Variants in HSF5 observed in about 807,000 individuals in gnomAD.
HSF5 encodes the protein heat shock factor protein 5.
Under a neutral mutation model 50.8 loss-of-function variants are expected in HSF5, and 5 were observed. The observed-to-expected ratio is 0.10, with a 90% confidence interval of 0.05 to 0.21. The LOEUF (loss-of-function observed/expected upper bound fraction) is 0.21, where lower values mean the gene tolerates loss of function less well. HSF5 is among the 10% of genes least tolerant of loss of function. The probability of loss-of-function intolerance (pLI) is 1.00; values close to 1 mark genes in which losing one functional copy is unlikely to be tolerated. For synonymous variants in HSF5, 307 were observed against 307.4 expected (o/e 1.00, Z 0.02); for missense variants, 564 against 762.6 (o/e 0.74, Z 3.07).
Position 58,463,015 on chromosome 17 carries a change from A to G in HSF5, c.1309T>C (p.Ser437Pro), listed in dbSNP as rs1443337441. The G allele has an allele frequency of 8.1e-6, 13 of 1,614,236 alleles. No individual in the cohort carries two copies. Among genetic ancestry groups the G allele is most frequent in the African/African-American group, 1.3e-5 (1 of 75,058 alleles). ...CCAACCACAAAAGACATAATATCTG[A>G]GCCTACAGGAGTAAGTGGCTCCAGC... ...SQLEPLTPVGSDIMSFVVGTE... is the reference protein window; with the variant it reads ...SQLEPLTPVGPDIMSFVVGTE... Residue 437 changes from serine (S) to proline (P), a missense_variant, in exon 4 of 6, where the codon TCA (serine) becomes CCA (proline). Transcript: ENST00000323777.
chr17:58,487,760 G>GGCT lies in HSF5; in HGVS notation c.512_514dup (p.Gln171dup), dbSNP rs1400532940. 7.2e-6 allele frequency: 10 copies of GGCT among 1,393,790 alleles called. No individual in the cohort carries two copies. Among genetic ancestry groups the GGCT allele is most frequent in the Admixed American group, 3.8e-5 (1 of 26,048 alleles). 86.3% of individuals were successfully genotyped at this position (1,393,790 alleles called of 1,614,324 possible). ...GGGCCGGGGCCCCGCGGGCGGCGGC[G>GGCT]GCTGCTGGTGCTGCAGTGGCGCGGT... is the stretch of plus-strand genomic sequence containing the variant. On this transcript the variant is annotated inframe_insertion, in exon 1 of 6. Coordinates refer to ENST00000323777, the MANE Select transcript of HSF5 (RefSeq NM_001080439.3).
intron 5 of HSF5, among the ~76,000 whole-genome samples, chr17:58,444,832 C>T (rs765724860): frequency 1.4e-4 from 21 of 152,084 alleles, no homozygotes; most frequent in Non-Finnish European, 2.6e-4. Context: ...AAATCATATT[C>T]GCTAAGGGGT....
In HSF5 at chr17:58,466,950, T is replaced by C. The variant is rs201379190; in HGVS notation, c.955A>G (p.Met319Val). 176 of 1,611,472 alleles carry C rather than the reference T, an allele frequency of 1.1e-4. No homozygotes were observed. Among genetic ancestry groups the C allele is most frequent in the Non-Finnish European group, 1.5e-4 (172 of 1,177,750 alleles). The change falls in exon 3 of 6, where the codon ATG becomes GTG. Residue 319 changes from methionine to valine, a missense_variant. Around this residue, in one of 5 missense-constraint regions of HSF5, gnomAD observed 441 missense variants for 533.6 expected, o/e 0.83. Coordinates refer to ENST00000323777, the MANE Select transcript of HSF5 (RefSeq NM_001080439.3). ...AVLQCCSPTH[M>V]DALSSCVTPT... is the part of the protein sequence containing the mutation. Reference sequence around the variant, plus strand: ...GTGACACAACTACTTAGAGCATCCATGTGGGTAGGAGAACAGCACTGTAGC... The same window carrying C: ...GTGACACAACTACTTAGAGCATCCACGTGGGTAGGAGAACAGCACTGTAGC...
chr17:58,465,053 G>A (rs542427358), intron 3 of HSF5, among the ~76,000 whole-genome samples: 3 of 150,000 alleles, frequency 2.0e-5, no homozygotes, highest in Admixed American at 6.6e-5. Flanking sequence ...TGGGAGGATC[G>A]CTTGATCCTC....
rs548966391 is a variant in HSF5, at chr17:58,420,518, C to G, written c.*1842G>C. On this transcript the variant is annotated 3_prime_UTR_variant, in exon 6 of 6. Coordinates refer to ENST00000323777, the MANE Select transcript of HSF5 (RefSeq NM_001080439.3). ...AGGTTCCTGCTTGACATGTGTTCCTCAAAAGATATTATCTCAACATCTATA... is the reference window on the plus strand; with the variant it reads ...AGGTTCCTGCTTGACATGTGTTCCTGAAAAGATATTATCTCAACATCTATA... 1 of 152,166 alleles carries G rather than the reference C, an allele frequency of 6.6e-6. No individual in the cohort carries two copies. The highest frequency in any genetic ancestry group is 2.1e-4 in the South Asian group (1 of 4,816). 9.4% of individuals were successfully genotyped at this position (152,166 alleles called of 1,614,324 possible).
chr17:58,429,805 C>T (rs1190240070), intron 5 of HSF5, among the ~76,000 whole-genome samples: 1 of 148,186 alleles, frequency 6.7e-6, no homozygotes, highest in Non-Finnish European at 1.5e-5. Context: ...AAGATCACAC[C>T]ACTGCACTCC....
chr17:58,422,291 T>C lies in HSF5; in HGVS notation c.*69A>G. Reference sequence around the variant, plus strand: ...ACAGAACTGAAAAAATCCCAACAGTTTGTCATGTGCAAGGCTAGTCTGCCT... The same window carrying C: ...ACAGAACTGAAAAAATCCCAACAGTCTGTCATGTGCAAGGCTAGTCTGCCT... On this transcript the variant is annotated 3_prime_UTR_variant, in exon 6 of 6. Coordinates refer to ENST00000323777, the MANE Select transcript of HSF5 (RefSeq NM_001080439.3). 3.6e-6 allele frequency: 4 copies of C among 1,102,802 alleles called. No individual in the cohort carries two copies. The highest frequency in any genetic ancestry group is 4.1e-6 in the Non-Finnish European group (3 of 738,950). 68.3% of individuals were successfully genotyped at this position (1,102,802 alleles called of 1,614,324 possible).
chr17:58,484,205 GAA>G (rs555852057), intron 1 of HSF5, among the ~76,000 whole-genome samples: 1 of 118,198 alleles, frequency 8.5e-6, no homozygotes. Flanking sequence ...GAATGGTAAG[GAA>G]AAAAAAAAAA....
rs576260952 is a variant in HSF5, at chr17:58,441,855, T to A, written c.1720+16913A>T. Among the ~76,000 whole-genome samples, 101 of 152,396 alleles carry A rather than the reference T, an allele frequency of 6.6e-4. 1 individual carries two copies. The South Asian group carries it at 9.7e-3, about 15-fold the overall frequency. On this transcript the variant is annotated intron_variant, in intron 5 of 5. Transcript: ENST00000323777. Reference sequence around the variant, plus strand: ...TTGATAAATGCTGTGAAACAGCGACTGTTGTATGTTTCCTATTTTTCTCTT... The same window carrying A: ...TTGATAAATGCTGTGAAACAGCGACAGTTGTATGTTTCCTATTTTTCTCTT...
intron 2 of HSF5, 37 bp downstream of exon 2, chr17:58,479,855 AC>A (rs759173024): frequency 6.4e-6 from 10 of 1,552,222 alleles, no homozygotes; most frequent in Non-Finnish European, 8.7e-6. Flanking sequence ...ATTATAAACA[AC>A]CTTAAATAGA....
In HSF5 at chr17:58,439,488, AT is replaced by A. The variant is rs879697270; in HGVS notation, c.1721-17059del. ...TAAAAAAGAGCTGTTAGAAGTTATA[AT>A]TTTTTTTTTTTTGAGACGGAGTTTT... On this transcript the variant is annotated intron_variant, in intron 5 of 5. Transcript: ENST00000323777. Among the ~76,000 whole-genome samples the A allele has an allele frequency of 4.1e-3, 598 of 147,030 alleles. 2 individuals carry two copies. The highest frequency in any genetic ancestry group is 0.012 in the African/African-American group (499 of 40,474).
Position 58,466,920 on chromosome 17 carries a change from T to G in HSF5, c.985A>C (p.Thr329Pro), listed in dbSNP as rs372017544. Residue 329 changes from threonine (T) to proline (P), a missense_variant, in exon 3 of 6, where the codon ACT becomes CCT. Transcript: ENST00000323777. ...MDALSSCVTP[T>P]ASSYAHCNYF... The stretch of plus-strand genomic sequence containing the variant: ...TTGCAGTGTGCATAGGAAGAGGCAG[T>G]GGGAGTGACACAACTACTTAGAGCA... The G allele has an allele frequency of 3.7e-6, 6 of 1,610,378 alleles. 1 individual carries two copies. Among genetic ancestry groups the G allele is most frequent in the African/African-American group, 1.3e-5 (1 of 74,842 alleles).
At chr17:58,447,015 C>T (rs1272511617) in intron 5 of HSF5, among the ~76,000 whole-genome samples, 1 of 152,138 alleles carries the variant, frequency 6.6e-6, no homozygotes, top group African/African-American at 2.4e-5. Flanking sequence ...GTCCCAGCTA[C>T]TTGGGAGGCT....
intron 5 of HSF5, among the ~76,000 whole-genome samples, chr17:58,453,562 T>G (rs1054531671): frequency 6.6e-6 from 1 of 151,548 alleles, no homozygotes; most frequent in Non-Finnish European, 1.5e-5. Flanking sequence ...GCCATTGCAC[T>G]CCAGCCTGGG....
intron 4 of HSF5, among the ~76,000 whole-genome samples, chr17:58,460,474 TATATACACACACAC>T (rs1974776311): frequency 2.5e-5 from 2 of 80,194 alleles, no homozygotes; most frequent in South Asian, 1.1e-3. Context: ...TATATACATA[TATATACACACACAC>T]ACACACACAC....
rs71143249 is a variant in HSF5, at chr17:58,453,599, AAACAACAAC to A, written c.1720+5160_1720+5168del. 3.3e-3 allele frequency among the ~76,000 whole-genome samples: 502 copies of A among 150,652 alleles called. 2 individuals are homozygous for A. Among genetic ancestry groups the A allele is most frequent in the Middle Eastern group, 0.017 (5 of 294 alleles). The stretch of plus-strand genomic sequence containing the variant: ...GACAGAGTGAGCAAAACTCCATCTC[AAACAACAAC>A]AACAACAACAACAACAACAACAACA... On this transcript the variant is annotated intron_variant, in intron 5 of 5. Transcript: ENST00000323777.
At chr17:58,464,081 T>A (rs1011901374) in intron 3 of HSF5, among the ~76,000 whole-genome samples, 2 of 143,156 alleles carry the variant, frequency 1.4e-5, no homozygotes, top group Non-Finnish European at 3.0e-5. Context: ...GATTATAAAC[T>A]TAAAATACAG....
intron 4 of HSF5, among the ~76,000 whole-genome samples, chr17:58,460,376 T>C (rs1034025927): frequency 7.9e-5 from 12 of 152,000 alleles, no homozygotes; most frequent in African/African-American, 2.9e-4. Flanking sequence ...CTTTGTCAAG[T>C]TGATCAACTT....
intron 5 of HSF5, among the ~76,000 whole-genome samples, chr17:58,443,553 A>G (rs1974523801): frequency 6.6e-6 from 1 of 152,146 alleles, no homozygotes; most frequent in Non-Finnish European, 1.5e-5. Flanking sequence ...CTCAGTCTCA[A>G]GCATCTCTTC....
Sources: allele counts gnomAD v4.1 joint callset (sites outside exome capture counted in the v4.1 genomes callset), GRCh38; gene constraint gnomAD v4.1.1; regional missense constraint gnomAD v4.1.1; transcripts MANE v1.5; gene names NCBI Gene and HGNC (gene_info 2026-07-23, HGNC 2026-07-21).